The following PHF14 variants were observed in gnomAD, a reference collection of about 807,000 sequenced individuals.
PHF14 encodes PHD finger protein 14.
A neutral mutation model predicts 117.9 loss-of-function variants in PHF14; 55 were observed. That is an observed-to-expected ratio of 0.47 (90% CI 0.38 to 0.58). The LOEUF is 0.58. Ranked by LOEUF, PHF14 falls within the 20% of genes least tolerant of loss-of-function variation. The probability of loss-of-function intolerance (pLI) is 0.00; values close to 1 mark genes in which losing one functional copy is unlikely to be tolerated. For synonymous variants in PHF14, 409 were observed against 368.6 expected (o/e 1.11, Z -1.26); for missense variants, 978 against 1,122.2 (o/e 0.87, Z 1.84).
At chr7:11,129,269 C>G (rs529650298) in intron 17 of PHF14, among the ~76,000 whole-genome samples, 1 of 152,172 alleles carries the variant, frequency 6.6e-6, no homozygotes, top group Non-Finnish European at 1.5e-5. Context: ...ATGTTTGGAA[C>G]ATAAATTTCT....
chr7:11,111,583 C>T, intron 17 of PHF14, 116 bp downstream of exon 17: 2 of 589,462 alleles, frequency 3.4e-6, no homozygotes, highest in East Asian at 5.7e-5. Context: ...AACATTTTAA[C>T]CAGTACACCT....
At chr7:11,088,679 A>G (rs1197405781) in intron 16 of PHF14, among the ~76,000 whole-genome samples, 1 of 152,188 alleles carries the variant, frequency 6.6e-6, no homozygotes, top group Non-Finnish European at 1.5e-5. Flanking sequence ...CAAAGAAAGA[A>G]ATGCTAATAT....
intron 2 of PHF14, among the ~76,000 whole-genome samples, chr7:10,976,596 C>A (rs1781874097): frequency 1.3e-5 from 2 of 152,008 alleles, no homozygotes; most frequent in South Asian, 4.1e-4. Context: ...ATGGAATATT[C>A]ACAGGTATCA....
intron 17 of PHF14, among the ~76,000 whole-genome samples, chr7:11,147,498 G>T (rs1583501734): frequency 6.6e-6 from 1 of 152,132 alleles, no homozygotes. Flanking sequence ...AATGACTCTT[G>T]TTAATGTCAC....
chr7:11,024,170 A>G (rs950744693), intron 6 of PHF14, among the ~76,000 whole-genome samples: 1 of 152,162 alleles, frequency 6.6e-6, no homozygotes, highest in Non-Finnish European at 1.5e-5. Context: ...CTTAAGCCAA[A>G]ACCTCATCCA....
intron 16 of PHF14, among the ~76,000 whole-genome samples, chr7:11,080,174 T>C (rs1358677951): frequency 1.3e-5 from 2 of 152,174 alleles, no homozygotes; most frequent in Non-Finnish European, 2.9e-5. Flanking sequence ...AAATAGACTT[T>C]GTAAGAATTT....
intron 12 of PHF14, among the ~76,000 whole-genome samples, chr7:11,042,185 A>G (rs1343312060): frequency 1.3e-5 from 2 of 151,984 alleles, no homozygotes; most frequent in African/African-American, 2.4e-5. Context: ...AAAGAGACTC[A>G]TGTATACTTG....
intron 5 of PHF14, among the ~76,000 whole-genome samples, chr7:11,022,339 A>G (rs115635300): frequency 0.079 from 11,989 of 152,212 alleles, 525 homozygotes; most frequent in African/African-American, 0.11. Context: ...AAAGGAAGTT[A>G]AAACTGTATA....
chr7:11,147,033 G>T (rs1345990099), intron 17 of PHF14, among the ~76,000 whole-genome samples: 1 of 152,042 alleles, frequency 6.6e-6, no homozygotes, highest in Non-Finnish European at 1.5e-5. Context: ...TTTTAGTAGA[G>T]ACTGGATTTT....
Position 11,092,768 on chromosome 7 carries a change from A to G in PHF14, c.2655-18582A>G, listed in dbSNP as rs571515219. Among the ~76,000 whole-genome samples, 4 of 152,206 alleles carry G rather than the reference A, an allele frequency of 2.6e-5. No homozygotes were observed. The East Asian group carries it at 7.7e-4, about 29-fold the overall frequency. Reference sequence around the variant, plus strand: ...CATTCTTTACTCGCTGAACCTGATCATTGACTCTTAGGGCTTTTAGGGAGG... The same window carrying G: ...CATTCTTTACTCGCTGAACCTGATCGTTGACTCTTAGGGCTTTTAGGGAGG... On this transcript the variant is annotated intron_variant, in intron 16 of 17. Coordinates refer to ENST00000634607, the MANE Select transcript of PHF14 (RefSeq NM_001007157.2).
intron 12 of PHF14, among the ~76,000 whole-genome samples, chr7:11,041,971 G>A (rs1583403472): frequency 6.6e-6 from 1 of 151,516 alleles, no homozygotes; most frequent in South Asian, 2.1e-4. Context: ...TTCAGGTGAT[G>A]GTGCTTGTGT....
At chr7:11,141,141 T>C (rs1337156717) in intron 17 of PHF14, among the ~76,000 whole-genome samples, 1 of 152,094 alleles carries the variant, frequency 6.6e-6, no homozygotes, top group Non-Finnish European at 1.5e-5. Flanking sequence ...AAGGTTGTTT[T>C]AGGAAAATAT....
intron 17 of PHF14, among the ~76,000 whole-genome samples, chr7:11,166,116 A>G (rs1028317209): frequency 5.3e-5 from 8 of 152,146 alleles, no homozygotes; most frequent in South Asian, 2.1e-4. Flanking sequence ...TAGTCAGTGT[A>G]TTTTTTTAGA....
At chr7:11,080,098 G>T (rs1786031497) in intron 16 of PHF14, among the ~76,000 whole-genome samples, 1 of 152,084 alleles carries the variant, frequency 6.6e-6, no homozygotes, top group African/African-American at 2.4e-5. Flanking sequence ...CGTAAAATGA[G>T]TTCAAAGTTT....
chr7:11,105,533 A>G, intron 16 of PHF14: 1 of 978,316 alleles, frequency 1.0e-6, no homozygotes, highest in Non-Finnish European at 1.2e-6. Flanking sequence ...TAAATTTTTA[A>G]AAAAATTTAA....
chr7:11,022,735 T>G (rs1583378823), intron 5 of PHF14, 133 bp from the exon 6 acceptor site: 3 of 483,892 alleles, frequency 6.2e-6, no homozygotes, highest in South Asian at 4.2e-5. Context: ...GTGCCTGAGA[T>G]TGCGAGATTT....
intron 17 of PHF14, among the ~76,000 whole-genome samples, chr7:11,127,244 C>CTTT (rs10668180): frequency 0.013 from 1,892 of 145,114 alleles, 35 homozygotes; most frequent in African/African-American, 0.044. Context: ...CTTGCCCCTC[C>CTTT]TTTTTTTTTT....
intron 6 of PHF14, among the ~76,000 whole-genome samples, chr7:11,025,335 C>G (rs1783870104): frequency 6.6e-6 from 1 of 152,118 alleles, no homozygotes; most frequent in South Asian, 2.1e-4. Flanking sequence ...TAGGATATTA[C>G]ATAAACTTGA....
chr7:10,995,422 T>A (rs1782603318), intron 4 of PHF14, among the ~76,000 whole-genome samples: 1 of 152,202 alleles, frequency 6.6e-6, no homozygotes. Flanking sequence ...TTGGTGTATT[T>A]ACAATCCCTT....
Sources: gnomAD v4.1 joint callset for allele counts (sites outside exome capture counted in the v4.1 genomes callset) on GRCh38, gnomAD v4.1.1 for gene constraint, MANE v1.5 for transcripts, NCBI Gene and HGNC (gene_info 2026-07-23, HGNC 2026-07-21) for gene names.